The following ASIC2 variants were observed in gnomAD, a reference collection of about 807,000 sequenced individuals.
The protein encoded by ASIC2 is acid sensing ion channel subunit 2.
In ASIC2, 25 loss-of-function variants were observed where a neutral mutation model predicts 57.3. The ratio of observed to expected loss-of-function variants is 0.44; its 90% confidence interval spans 0.32 to 0.61. The LOEUF is 0.61. Ranked by LOEUF, ASIC2 falls within the 20% of genes least tolerant of loss-of-function variation. The pLI, the probability that ASIC2 is intolerant of heterozygous loss-of-function variation, is 0.06. For missense variants in ASIC2, 641 were observed against 738.1 expected, an observed-to-expected ratio of 0.87 and a Z score of 1.52; for synonymous variants, 319 against 307.5, an observed-to-expected ratio of 1.04 and a Z score of -0.39.
chr17:33,880,350 AG>A (rs1349615516), intron 1 of ASIC2, among the ~76,000 whole-genome samples: 1 of 152,246 alleles, frequency 6.6e-6, no homozygotes, highest in Non-Finnish European at 1.5e-5. Context: ...CAAAATTGAT[AG>A]AACACTAGCA....
intron 1 of ASIC2, among the ~76,000 whole-genome samples, chr17:33,889,118 C>T (rs1404704359): frequency 6.6e-6 from 1 of 152,182 alleles, no homozygotes; most frequent in Non-Finnish European, 1.5e-5. Flanking sequence ...TAGCAGGTTT[C>T]TCTCTTGTGG....
At chr17:33,999,297 T>C (rs1013962968) in intron 1 of ASIC2, among the ~76,000 whole-genome samples, 5 of 152,154 alleles carry the variant, frequency 3.3e-5, no homozygotes, top group African/African-American at 1.2e-4. Flanking sequence ...TAGTTGGGTC[T>C]TTAAAAAAAA....
At chr17:33,464,840 G>A (rs143661210) in intron 1 of ASIC2, among the ~76,000 whole-genome samples, 2 of 151,882 alleles carry the variant, frequency 1.3e-5, no homozygotes, top group East Asian at 3.9e-4. Flanking sequence ...TCTCACCATA[G>A]CATCTCTAGG....
At chr17:33,965,612 C>T (rs920793076) in intron 1 of ASIC2, among the ~76,000 whole-genome samples, 5 of 152,114 alleles carry the variant, frequency 3.3e-5, no homozygotes, top group Admixed American at 1.3e-4. Context: ...CTCCCTTGCT[C>T]GTGAAATAGG....
chr17:33,768,261 C>A (rs1398520724), intron 1 of ASIC2, among the ~76,000 whole-genome samples: 1 of 152,120 alleles, frequency 6.6e-6, no homozygotes, highest in Non-Finnish European at 1.5e-5. Context: ...CTGCCTCAGC[C>A]TCCCAAAGTG....
chr17:34,027,722 C>T (rs1248451179), intron 1 of ASIC2, among the ~76,000 whole-genome samples: 6 of 152,196 alleles, frequency 3.9e-5, no homozygotes, highest in Non-Finnish European at 5.9e-5. Flanking sequence ...CGTTAGCACA[C>T]CCTCCATTGT....
intron 1 of ASIC2, among the ~76,000 whole-genome samples, chr17:33,260,714 A>G (rs577911259): frequency 1.7e-4 from 26 of 152,270 alleles, no homozygotes; most frequent in African/African-American, 6.0e-4. Context: ...CCTCTCTCCA[A>G]CCCAGTGCTG....
intron 1 of ASIC2, chr17:33,791,776 T>C (rs1441336532): frequency 6.6e-6 from 1 of 152,056 alleles, no homozygotes; most frequent in Non-Finnish European, 1.5e-5. Context: ...TAATAGTTCA[T>C]AAATGGCTTT....
intron 1 of ASIC2, among the ~76,000 whole-genome samples, chr17:33,825,738 G>A (rs1202141907): frequency 1.3e-5 from 2 of 152,070 alleles, no homozygotes; most frequent in Non-Finnish European, 2.9e-5. Context: ...GGACACCATC[G>A]AATCTAAGAA....
At chr17:34,114,678 AAC>A (rs371980768) in intron 1 of ASIC2, among the ~76,000 whole-genome samples, 20 of 152,258 alleles carry the variant, frequency 1.3e-4, no homozygotes, top group African/African-American at 4.6e-4. Context: ...CTGTGTTGAA[AAC>A]AGTGAGGGTT....
At chr17:34,114,856 G>A (rs1321702316) in intron 1 of ASIC2, among the ~76,000 whole-genome samples, 3 of 152,162 alleles carry the variant, frequency 2.0e-5, no homozygotes, top group East Asian at 1.9e-4. Context: ...AGGGCAATTA[G>A]TTAAGACAGT....
chr17:34,049,158 G>A (rs112110858), intron 1 of ASIC2, among the ~76,000 whole-genome samples: 2,953 of 151,820 alleles, frequency 0.019, 62 homozygotes, highest in East Asian at 0.059. Flanking sequence ...CAAGTGTGGC[G>A]GTGCATGCCT....
intron 3 of ASIC2, among the ~76,000 whole-genome samples, chr17:33,064,221 A>G (rs535927697): frequency 6.3e-4 from 93 of 147,542 alleles, no homozygotes; most frequent in African/African-American, 2.4e-3. Context: ...GTTCCTTTGG[A>G]GGAGGAGAGG....
intron 1 of ASIC2, among the ~76,000 whole-genome samples, chr17:33,675,795 C>T (rs1160857987): frequency 1.3e-5 from 2 of 152,186 alleles, no homozygotes; most frequent in East Asian, 3.9e-4. Flanking sequence ...TGGTTTCAAA[C>T]TCCTGGGCTC....
intron 1 of ASIC2, among the ~76,000 whole-genome samples, chr17:33,178,632 G>A (rs557380882): frequency 6.6e-6 from 1 of 152,316 alleles, no homozygotes; most frequent in Non-Finnish European, 1.5e-5. Flanking sequence ...AGAGAAAACA[G>A]TGTGCAGTGG....
intron 1 of ASIC2, among the ~76,000 whole-genome samples, chr17:33,761,688 G>A (rs1037806157): frequency 2.6e-5 from 4 of 152,038 alleles, no homozygotes; most frequent in Admixed American, 2.0e-4. Flanking sequence ...AGTTACCATG[G>A]AGCCCCTCAT....
chr17:34,016,904 C>A (rs1906999708), intron 1 of ASIC2, among the ~76,000 whole-genome samples: 2 of 152,306 alleles, frequency 1.3e-5, no homozygotes, highest in Admixed American at 1.3e-4. Flanking sequence ...GGATGCTTAA[C>A]ATTTTAGTTT....
At chr17:34,034,797 A>G (rs1331436431) in intron 1 of ASIC2, among the ~76,000 whole-genome samples, 1 of 151,778 alleles carries the variant, frequency 6.6e-6, no homozygotes, top group Non-Finnish European at 1.5e-5. Context: ...TAGGAATCCA[A>G]CTTATAAGGG....
chr17:33,057,397 A>T (rs3025226), intron 3 of ASIC2, among the ~76,000 whole-genome samples: 1,929 of 152,332 alleles, frequency 0.013, 37 homozygotes, highest in African/African-American at 0.044. Flanking sequence ...GCTATAAATC[A>T]AGGGGAAGGA....
Sources: allele counts gnomAD v4.1 joint callset (sites outside exome capture counted in the v4.1 genomes callset), GRCh38; gene constraint gnomAD v4.1.1; transcripts MANE v1.5; gene names NCBI Gene and HGNC (gene_info 2026-07-23, HGNC 2026-07-21).